The following FAM135A variants were observed in gnomAD, a reference collection of about 807,000 sequenced individuals.
FAM135A encodes the protein protein FAM135A.
FAM135A carries 79 observed loss-of-function variants against 146.8 expected under a neutral mutation model. The ratio of observed to expected loss-of-function variants is 0.54; its 90% CI spans 0.45 to 0.65. The LOEUF is 0.65. Among genes scored for constraint, FAM135A ranks in the 30% least tolerant of loss-of-function variants. The pLI is 0.00. For missense variants in FAM135A, 1,623 were observed against 1,758.2 expected (o/e 0.92, Z 1.38); for synonymous variants, 562 against 603.6 (o/e 0.93, Z 1.01).
intron 5 of FAM135A, among the ~76,000 whole-genome samples, chr6:70,452,786 G>A (rs1228648556): frequency 6.6e-6 from 1 of 152,084 alleles, no homozygotes; most frequent in African/African-American, 2.4e-5. Flanking sequence ...ATCAAAGAAT[G>A]TATATTAAAG....
chr6:70,526,304 A>G lies in FAM135A; in HGVS notation c.3220A>G (p.Ile1074Val). The part of the protein sequence containing the change: ...SPQKETSEKE[I>V]SNLQQEQDKE... Reference sequence around the variant, plus strand: ...TCAGAAGGAAACTTCTGAAAAAGAAATTAGTAATCTTCAGCAGGAACAGGA... The same window carrying G: ...TCAGAAGGAAACTTCTGAAAAAGAAGTTAGTAATCTTCAGCAGGAACAGGA... Residue 1074 changes from isoleucine (I) to valine (V), a missense_variant, in exon 15 of 22, where the codon ATT becomes GTT. Coordinates refer to ENST00000418814, the MANE Select transcript of FAM135A (RefSeq NM_001162529.3). 1 of 1,613,370 alleles carries G rather than the reference A, an allele frequency of 6.2e-7. No homozygotes were observed. The highest frequency in any genetic ancestry group is 8.5e-7 in the Non-Finnish European group (1 of 1,179,590).
chr6:70,484,585 T>C (rs1031429311), intron 10 of FAM135A, among the ~76,000 whole-genome samples: 17 of 152,202 alleles, frequency 1.1e-4, no homozygotes, highest in African/African-American at 4.1e-4. Flanking sequence ...GGGATGAAAC[T>C]ATTCCACCTC....
chr6:70,502,014 A>G (rs1008669251), intron 11 of FAM135A, among the ~76,000 whole-genome samples: 1 of 152,220 alleles, frequency 6.6e-6, no homozygotes, highest in Non-Finnish European at 1.5e-5. Flanking sequence ...TTGTATCTCT[A>G]GAATCTAGGC....
intron 4 of FAM135A, among the ~76,000 whole-genome samples, chr6:70,446,367 A>G (rs1775753989): frequency 6.6e-6 from 1 of 152,114 alleles, no homozygotes. Context: ...CTACCATCTG[A>G]CCGTTTTGTT....
intron 12 of FAM135A, among the ~76,000 whole-genome samples, chr6:70,518,669 G>T (rs1194298212): frequency 6.6e-6 from 1 of 152,126 alleles, no homozygotes; most frequent in African/African-American, 2.4e-5. Flanking sequence ...AAATTCTAGA[G>T]CTCTTGAGAA....
At chr6:70,421,126 T>G (rs1768730770) in intron 2 of FAM135A, among the ~76,000 whole-genome samples, 1 of 152,132 alleles carries the variant, frequency 6.6e-6, no homozygotes, top group Non-Finnish European at 1.5e-5. Context: ...TCAAGCAGTC[T>G]GCTTGTCTCA....
intron 19 of FAM135A, among the ~76,000 whole-genome samples, chr6:70,537,853 ATGTGGTC>A (rs1253184505): frequency 1.3e-5 from 2 of 152,202 alleles, no homozygotes; most frequent in African/African-American, 2.4e-5. Context: ...TCATTCTAAG[ATGTGGTC>A]TGTTTGCAAT....
rs576685067 is a variant in FAM135A, at chr6:70,494,045, C to T, written c.873+2962C>T. Among the ~76,000 whole-genome samples, 9 of 113,748 alleles carry T rather than the reference C, an allele frequency of 7.9e-5. No individual in the cohort carries two copies. The South Asian group carries it at 2.2e-3, about 28-fold the overall frequency. The allele number at this position is 113,748 out of a possible 152,430, so 74.6% of individuals were successfully genotyped here. ...CTCCAGCCTGGGCGACAGAGTGAGA[C>T]TCTGTCTCAAAAAAAAAAAAAAAAA... On this transcript the variant is annotated intron_variant, in intron 11 of 21. Coordinates refer to ENST00000418814, the MANE Select transcript of FAM135A (RefSeq NM_001162529.3).
Position 70,524,447 on chromosome 6 carries a change from C to A in FAM135A, c.1363C>A (p.Pro455Thr). 1 of 1,549,486 alleles carries A rather than the reference C, an allele frequency of 6.5e-7. No individual in the cohort carries two copies. ...EESSVAGLSS[P>T]ELKVRPAGAS... The stretch of plus-strand genomic sequence containing the variant: ...AAGCTCTGTAGCAGGACTTTCTAGC[C>A]CAGAGTTGAAAGTCAGACCTGCTGG... Residue 455 changes from proline (P) to threonine (T), a missense_variant, in exon 15 of 22, where the codon CCA becomes ACA. Around this residue, in one of 7 missense-constraint regions of FAM135A, gnomAD observed 1,061 missense variants for 1,113.8 expected, o/e 0.95. Coordinates refer to ENST00000418814, the MANE Select transcript of FAM135A (RefSeq NM_001162529.3).
chr6:70,421,021 A>G (rs114047845), intron 2 of FAM135A, among the ~76,000 whole-genome samples: 19,691 of 151,976 alleles, frequency 0.13, 1,517 homozygotes, highest in Middle Eastern at 0.19. Flanking sequence ...AGCTAGGACC[A>G]CAAGTGTGCA....
intron 10 of FAM135A, among the ~76,000 whole-genome samples, chr6:70,483,453 T>G (rs1053971780): frequency 3.3e-5 from 5 of 152,212 alleles, no homozygotes; most frequent in Admixed American, 1.3e-4. Context: ...TGAAACAGTC[T>G]CTATTTTCCT....
At chr6:70,446,377 T>A (rs773778335) in intron 4 of FAM135A, among the ~76,000 whole-genome samples, 1 of 152,182 alleles carries the variant, frequency 6.6e-6, no homozygotes, top group Non-Finnish European at 1.5e-5. Context: ...ACCGTTTTGT[T>A]CAGACCATCT....
At chr6:70,456,197 G>T (rs1778334809) in intron 5 of FAM135A, among the ~76,000 whole-genome samples, 1 of 152,200 alleles carries the variant, frequency 6.6e-6, no homozygotes. Context: ...AAGGAAGTAT[G>T]CTAGAAGAAA....
intron 5 of FAM135A, among the ~76,000 whole-genome samples, 152 bp from the exon 6 acceptor site, chr6:70,475,258 T>A (rs538012989): frequency 3.9e-5 from 6 of 152,320 alleles, no homozygotes; most frequent in Non-Finnish European, 7.4e-5. Flanking sequence ...TAGAAATAAG[T>A]AAACTTTCAG....
intron 20 of FAM135A, among the ~76,000 whole-genome samples, chr6:70,542,634 G>A (rs2128452806): frequency 6.6e-6 from 1 of 152,284 alleles, no homozygotes; most frequent in South Asian, 2.1e-4. Flanking sequence ...CGTGGATCAA[G>A]CAATTCTCCC....
intron 3 of FAM135A, among the ~76,000 whole-genome samples, chr6:70,427,081 C>T (rs1369340514): frequency 6.6e-6 from 1 of 152,112 alleles, no homozygotes; most frequent in Non-Finnish European, 1.5e-5. Context: ...GCTTTCTACA[C>T]TTAGCTTACT....
intron 4 of FAM135A, among the ~76,000 whole-genome samples, chr6:70,450,716 GTTTTTTTTTTTTT>G (rs546674936): frequency 2.6e-3 from 73 of 28,324 alleles, no homozygotes; most frequent in Admixed American, 4.8e-3. Context: ...CCTTTTAGTT[GTTTTTTTTTTTTT>G]TTTTTTTTTT....
chr6:70,479,236 C>T (rs1307781622), intron 8 of FAM135A, among the ~76,000 whole-genome samples: 1 of 152,148 alleles, frequency 6.6e-6, no homozygotes, highest in Non-Finnish European at 1.5e-5. Flanking sequence ...TAGATATTCA[C>T]ATCACCATCG....
rs765278480 is a variant in FAM135A, at chr6:70,524,345, T to G, written c.1261T>G (p.Leu421Val). Residue 421 changes from leucine (L) to valine (V), a missense_variant and splice_region_variant, in exon 15 of 22, where the codon TTA becomes GTA. Coordinates refer to ENST00000418814, the MANE Select transcript of FAM135A (RefSeq NM_001162529.3). ...ATCTTTTTTTCTTTGGATAAAAGAC[T>G]TAGATGCACCCTGGATGGGAATTCA... is the stretch of plus-strand genomic sequence containing the variant. ...DRYLDSVTED[L>V]DAPWMGIQNL... is the part of the protein sequence containing the mutation. 20 of 1,478,274 alleles carry G rather than the reference T, an allele frequency of 1.4e-5. No homozygotes were observed. In the Admixed American group the frequency reaches 1.7e-4, roughly 13 times the overall value. 91.6% of individuals were successfully genotyped at this position (1,478,274 alleles called of 1,614,324 possible). A position where few individuals can be genotyped will look rare whatever the true frequency, so the allele number is the denominator to read the frequency against.
Sources: gnomAD v4.1 joint callset for allele counts (sites outside exome capture counted in the v4.1 genomes callset) on GRCh38, gnomAD v4.1.1 for gene constraint, gnomAD v4.1.1 regional missense constraint, MANE v1.5 for transcripts, NCBI Gene and HGNC (gene_info 2026-07-23, HGNC 2026-07-21) for gene names.